HELZ: variants seen among roughly 807,000 people sequenced by gnomAD.
HELZ encodes the protein helicase with zinc finger.
A neutral mutation model predicts 218.2 loss-of-function variants in HELZ; 23 were observed. The observed-to-expected ratio is 0.11, with a 90% confidence interval of 0.08 to 0.15. HELZ has a LOEUF of 0.15. Among genes scored for constraint, HELZ ranks in the 10% least tolerant of loss-of-function variants. The pLI, the probability that HELZ is intolerant of heterozygous loss-of-function variation, is 1.00. For synonymous variants in HELZ, 814 were observed against 829.4 expected (o/e 0.98, Z 0.32); for missense variants, 1,813 against 2,353.7 (o/e 0.77, Z 4.75).
intron 5 of HELZ, among the ~76,000 whole-genome samples, chr17:67,213,033 A>G (rs1460004829): frequency 1.3e-5 from 2 of 152,234 alleles, no homozygotes; most frequent in Admixed American, 1.3e-4. Context: ...GCTAAGTAAA[A>G]CAATTAACAG....
intron 21 of HELZ, among the ~76,000 whole-genome samples, chr17:67,142,870 C>T (rs751981478): frequency 2.0e-5 from 3 of 152,154 alleles, no homozygotes; most frequent in Non-Finnish European, 2.9e-5. Context: ...CATCCTCCCA[C>T]CTCAGCCTCC....
At chr17:67,094,911 T>C (rs1195308775) in intron 31 of HELZ, among the ~76,000 whole-genome samples, 1 of 152,206 alleles carries the variant, frequency 6.6e-6, no homozygotes, top group African/African-American at 2.4e-5. Flanking sequence ...TAAAAAATGC[T>C]CACTGACCAG....
At chr17:67,092,895 G>T (rs550367046) in intron 31 of HELZ, among the ~76,000 whole-genome samples, 7 of 151,458 alleles carry the variant, frequency 4.6e-5, no homozygotes, top group Non-Finnish European at 5.9e-5. Context: ...AAACCGGCGG[G>T]GGGGGGAAGT....
chr17:67,143,664 C>CT (rs1185993551), intron 21 of HELZ, among the ~76,000 whole-genome samples: 5 of 151,148 alleles, frequency 3.3e-5, no homozygotes, highest in South Asian at 4.2e-4. Context: ...TTAAATTGTA[C>CT]TTTTTTTTCA....
intron 27 of HELZ, among the ~76,000 whole-genome samples, chr17:67,119,713 C>G (rs1474908118): frequency 6.6e-6 from 1 of 152,032 alleles, no homozygotes; most frequent in Non-Finnish European, 1.5e-5. Flanking sequence ...TCAACAATCC[C>G]ACAAGATTAA....
intron 13 of HELZ, among the ~76,000 whole-genome samples, chr17:67,174,482 T>C (rs1217336022): frequency 2.6e-5 from 4 of 152,158 alleles, no homozygotes; most frequent in Non-Finnish European, 5.9e-5. Context: ...TGAAGCCCCT[T>C]GATACTACTT....
chr17:67,123,858 A>G, intron 25 of HELZ, 105 bp downstream of exon 25: 2 of 772,486 alleles, frequency 2.6e-6, no homozygotes, highest in Non-Finnish European at 4.7e-6. Context: ...AGAGAGAAAG[A>G]GAGAGAGAAA....
At position 67,160,317 on chromosome 17, in the gene HELZ, T is replaced by C. The variant is rs1334677915; in HGVS notation, c.2121A>G (p.Ile707Met). 2 of 1,612,730 alleles carry C rather than the reference T, an allele frequency of 1.2e-6. No individual in the cohort carries two copies. The highest frequency in any genetic ancestry group is 8.5e-7 in the Non-Finnish European group (1 of 1,179,136). ...THSNSAADLY[I>M]KDYLHPYVEA... ...CTACATATGGATGTAAATAATCCTT[T>C]ATGTAGAGATCAGCAGCACTATTAG... The change falls in exon 17 of 33, where the codon ATA becomes ATG. Residue 707 changes from isoleucine to methionine, a missense_variant. This residue lies in a region of HELZ where 714 missense variants were observed against 1,029.2 expected (regional missense o/e 0.69). Transcript: ENST00000358691.
intron 5 of HELZ, among the ~76,000 whole-genome samples, chr17:67,214,906 G>A (rs1191296875): frequency 6.6e-6 from 1 of 152,134 alleles, no homozygotes; most frequent in African/African-American, 2.4e-5. Flanking sequence ...AGCACTTTGG[G>A]AGGCCAAGGC....
intron 26 of HELZ, 102 bp from the exon 27 acceptor site, chr17:67,120,714 A>AAC (rs142954420): frequency 1.1e-4 from 81 of 704,362 alleles, no homozygotes; most frequent in South Asian, 4.8e-4. Flanking sequence ...AAGACATACA[A>AAC]ACACACACAC....
At chr17:67,093,529 C>T (rs1297564979) in intron 31 of HELZ, among the ~76,000 whole-genome samples, 9 of 152,308 alleles carry the variant, frequency 5.9e-5, no homozygotes, top group East Asian at 1.9e-4. Flanking sequence ...TTTCCTGTGA[C>T]GATGGGAATG....
intron 5 of HELZ, among the ~76,000 whole-genome samples, chr17:67,210,686 G>A (rs1027013177): frequency 1.3e-5 from 2 of 152,170 alleles, no homozygotes; most frequent in African/African-American, 4.8e-5. Flanking sequence ...CACCTTGGGA[G>A]GCCAAGGCAG....
chr17:67,186,815 T>C (rs553371001), intron 12 of HELZ, among the ~76,000 whole-genome samples: 1 of 152,262 alleles, frequency 6.6e-6, no homozygotes, highest in Non-Finnish European at 1.5e-5. Flanking sequence ...AGGAAATGTA[T>C]GTTGTTCTCT....
At chr17:67,153,324 C>A (rs1038134478) in intron 17 of HELZ, among the ~76,000 whole-genome samples, 9 of 152,066 alleles carry the variant, frequency 5.9e-5, no homozygotes, top group Admixed American at 5.2e-4. Context: ...TAGAAAAGAA[C>A]AGTTTAGAAT....
At chr17:67,129,008 G>C (rs189144180) in intron 23 of HELZ, among the ~76,000 whole-genome samples, 153 bp from the exon 24 acceptor site, 261 of 152,168 alleles carry the variant, frequency 1.7e-3, no homozygotes, top group African/African-American at 6.0e-3. Context: ...CTTTCTACCA[G>C]ATCACAAGAC....
chr17:67,182,783 C>T (rs1290482116), intron 12 of HELZ, among the ~76,000 whole-genome samples: 2 of 152,332 alleles, frequency 1.3e-5, no homozygotes, highest in East Asian at 3.9e-4. Flanking sequence ...TTCCCTTGGC[C>T]TTCTGACCCT....
chr17:67,131,753 G>A (rs2037992182), intron 23 of HELZ, among the ~76,000 whole-genome samples: 1 of 152,090 alleles, frequency 6.6e-6, no homozygotes. Flanking sequence ...CTATTGAAAT[G>A]ACATTTGTGT....
intron 23 of HELZ, among the ~76,000 whole-genome samples, chr17:67,129,967 G>A (rs2037924658): frequency 6.6e-6 from 1 of 152,142 alleles, no homozygotes; most frequent in African/African-American, 2.4e-5. Flanking sequence ...CAGGTGGACA[G>A]CAGGTAATCA....
chr17:67,099,795 T>G (rs1045889144), intron 31 of HELZ, among the ~76,000 whole-genome samples: 1 of 152,208 alleles, frequency 6.6e-6, no homozygotes, highest in African/African-American at 2.4e-5. Context: ...AATTATGCCA[T>G]CAAAGCTAAT....
Sources: allele counts gnomAD v4.1 joint callset (sites outside exome capture counted in the v4.1 genomes callset), GRCh38; gene constraint gnomAD v4.1.1; regional missense constraint gnomAD v4.1.1; transcripts MANE v1.5; gene names NCBI Gene and HGNC (gene_info 2026-07-23, HGNC 2026-07-21).